Variants in FGF14 observed in about 807,000 individuals in gnomAD.
FGF14 encodes the protein fibroblast growth factor homologous factor 4.
FGF14 carries 5 observed loss-of-function variants against 25.5 expected under a neutral mutation model. That is an observed-to-expected ratio of 0.20 (90% confidence interval 0.10 to 0.41). The LOEUF (loss-of-function observed/expected upper bound fraction) is 0.41, where lower values mean the gene tolerates loss of function less well. Ranked by LOEUF, FGF14 falls within the 10% of genes least tolerant of loss-of-function variation. The pLI is 1.00. For missense variants in FGF14, 222 were observed against 320.1 expected, an observed-to-expected ratio of 0.69 and a Z score of 2.34; for synonymous variants, 138 against 118.3, an observed-to-expected ratio of 1.17 and a Z score of -1.08.
At chr13:102,065,469 G>T (rs2042864049) in intron 1 of FGF14, among the ~76,000 whole-genome samples, 2 of 151,974 alleles carry the variant, frequency 1.3e-5, no homozygotes, top group South Asian at 4.1e-4. Flanking sequence ...TATCCCTAGA[G>T]TTATGAAAAT....
At chr13:102,388,587 C>T (rs1352683046) in intron 1 of FGF14, among the ~76,000 whole-genome samples, 4 of 152,198 alleles carry the variant, frequency 2.6e-5, no homozygotes, top group South Asian at 2.1e-4. Flanking sequence ...AATTTCTCAA[C>T]GTATGCCTTC....
At chr13:102,257,676 T>C (rs2052518459) in intron 1 of FGF14, among the ~76,000 whole-genome samples, 1 of 152,136 alleles carries the variant, frequency 6.6e-6, no homozygotes, top group South Asian at 2.1e-4. Context: ...CAACTACCCA[T>C]CTTCTGCCAA....
At chr13:101,864,834 A>G (rs2044612515) in intron 3 of FGF14, among the ~76,000 whole-genome samples, 1 of 152,110 alleles carries the variant, frequency 6.6e-6, no homozygotes, top group African/African-American at 2.4e-5. Context: ...AAATACCAAT[A>G]AGGAATCTCT....
chr13:101,812,060 G>A (rs1323185), intron 3 of FGF14, among the ~76,000 whole-genome samples: 132,955 of 152,156 alleles, frequency 0.87, 58,476 homozygotes, highest in Non-Finnish European at 0.93. Context: ...ATTTATCACT[G>A]AACAGTTAGA....
intron 1 of FGF14, among the ~76,000 whole-genome samples, chr13:102,097,820 G>T (rs750129258): frequency 2.0e-5 from 3 of 152,298 alleles, no homozygotes; most frequent in South Asian, 4.1e-4. Context: ...GAGCAGAGAC[G>T]ATCAGAAAAT....
intron 3 of FGF14, among the ~76,000 whole-genome samples, chr13:101,746,332 G>GA (rs2036887365): frequency 6.6e-6 from 1 of 151,952 alleles, no homozygotes; most frequent in African/African-American, 2.4e-5. Context: ...ATGTAGAGAT[G>GA]AAAACCTATG....
Position 102,336,723 on chromosome 13 carries a change from C to T in FGF14, c.208+64748G>A, listed in dbSNP as rs77373335. Among the ~76,000 whole-genome samples the T allele has an allele frequency of 3.6e-3, 553 of 152,284 alleles. 4 individuals are homozygous for T. Among genetic ancestry groups the T allele is most frequent in the African/African-American group, 0.013 (528 of 41,566 alleles). ...AAGCTTCAAACTCAGCCAAGAGGGG[C>T]TGACTCTGTTGTTAGGGACTAATGC... On this transcript the variant is annotated intron_variant, in intron 1 of 4. Transcript: ENST00000376131.
In FGF14 at chr13:101,991,834, TTTAC is replaced by T. The variant is rs558482214; in HGVS notation, c.209-116542_209-116539del. ...GCAAGAAGCCCACACTTTCTTAAAT[TTTAC>T]CTCCAGCAGCTTTGTGTTCTCAAAG... On this transcript the variant is annotated intron_variant, in intron 1 of 4. Coordinates refer to the FGF14 transcript ENST00000376131. 2.6e-4 allele frequency among the ~76,000 whole-genome samples: 39 copies of T among 152,156 alleles called. No individual in the cohort carries two copies. The South Asian group carries it at 8.1e-3, about 32-fold the overall frequency.
rs1476790746 is a variant in FGF14, at chr13:101,713,750, T to A, written c.*9081A>T. 3 of 152,112 alleles carry A rather than the reference T, an allele frequency of 2.0e-5. No individual in the cohort carries two copies. The highest frequency in any genetic ancestry group is 2.9e-5 in the Non-Finnish European group (2 of 68,030). The allele number at this position is 152,112 out of a possible 1,614,324, so 9.4% of individuals were successfully genotyped here. ...ATATTTTAAATAACCAAAGAGGAAG[T>A]TTTTTAGTTAGGTAGGAGAAATGGG... On this transcript the variant is annotated 3_prime_UTR_variant, in exon 5 of 5. Transcript: ENST00000376143.
rs1233959004 is a variant in FGF14, at chr13:101,972,739, G to GGC, written c.209-97444_209-97443insGC. On this transcript the variant is annotated intron_variant, in intron 1 of 4. Coordinates refer to the FGF14 transcript ENST00000376131. ...GCCCAGGCAGGTCTCGAACTCCCCA[G>GGC]CTCAAGCTATCCTCCCGCCTCTGCC... Among the ~76,000 whole-genome samples the GGC allele has an allele frequency of 2.0e-4, 30 of 152,204 alleles. No individual in the cohort carries two copies. In the East Asian group the frequency reaches 5.6e-3, roughly 28 times the overall value.
In FGF14 at chr13:101,875,251, C is replaced by T; in HGVS notation, c.239G>A (p.Gly80Asp). ...GIVTRLYCRQ[G>D]YYLQMHPDGA... is the part of the protein sequence containing the mutation. ...ATCGGGGTGCATTTGCAAGTAGTAG[C>T]CTTGCCTGCAATATAACCTGGTCAC... is the stretch of plus-strand genomic sequence containing the variant. The change falls in exon 2 of 5, where the codon GGC becomes GAC. Residue 80 changes from glycine (G) to aspartate (D), a missense_variant. Physicochemically the swap from Gly to Asp is moderately conservative, Grantham distance 94. This residue lies in a region of FGF14 where 50 missense variants were observed against 75.2 expected (regional missense o/e 0.66). Transcript: ENST00000376143. 1 of 1,613,412 alleles carries T rather than the reference C, an allele frequency of 6.2e-7. No individual in the cohort carries two copies.
chr13:101,821,654 A>T (rs1012905060), intron 3 of FGF14, among the ~76,000 whole-genome samples: 16 of 152,232 alleles, frequency 1.1e-4, no homozygotes, highest in African/African-American at 3.6e-4. Flanking sequence ...TGACATGCCA[A>T]TAGCCGTATA....
chr13:101,943,824 A>ATATATATATATAT (rs553788083), intron 1 of FGF14, among the ~76,000 whole-genome samples: 129 of 126,892 alleles, frequency 1.0e-3, no homozygotes, highest in African/African-American at 4.5e-3. Context: ...AAAAAAAAAA[A>ATATATATATATAT]AAATATATAT....
chr13:102,370,280 C>G (rs1394163693), intron 1 of FGF14, among the ~76,000 whole-genome samples: 9 of 152,130 alleles, frequency 5.9e-5, no homozygotes, highest in Non-Finnish European at 1.3e-4. Context: ...TGTGGGCCAC[C>G]ATGCCTGGCA....
intron 1 of FGF14, among the ~76,000 whole-genome samples, chr13:102,271,436 T>A (rs930120046): frequency 1.3e-5 from 2 of 152,232 alleles, no homozygotes; most frequent in East Asian, 1.9e-4. Context: ...CGCACCTCCA[T>A]TTTCTGTCCA....
chr13:101,740,808 T>G (rs921228398), intron 3 of FGF14, among the ~76,000 whole-genome samples: 8 of 152,224 alleles, frequency 5.3e-5, no homozygotes, highest in African/African-American at 1.9e-4. Flanking sequence ...TTTATTTTTA[T>G]TTTTTGGTGG....
chr13:102,382,500 T>C (rs752844001), intron 1 of FGF14, among the ~76,000 whole-genome samples: 2 of 152,024 alleles, frequency 1.3e-5, no homozygotes, highest in Non-Finnish European at 2.9e-5. Flanking sequence ...TATGGAGAAA[T>C]TAGAACCCTC....
intron 1 of FGF14, among the ~76,000 whole-genome samples, chr13:102,296,709 T>C (rs1275758812): frequency 3.3e-5 from 5 of 152,144 alleles, no homozygotes. Context: ...AAAGCAGCTT[T>C]GGAGACTGTC....
At chr13:102,325,819 G>A (rs1247267476) in intron 1 of FGF14, among the ~76,000 whole-genome samples, 5 of 151,272 alleles carry the variant, frequency 3.3e-5, no homozygotes, top group African/African-American at 9.8e-5. Flanking sequence ...ACAGAATTTT[G>A]CCTTCATTTG....
Sources: allele counts gnomAD v4.1 joint callset (sites outside exome capture counted in the v4.1 genomes callset), GRCh38; gene constraint gnomAD v4.1.1; regional missense constraint gnomAD v4.1.1; transcripts MANE v1.5; gene names NCBI Gene and HGNC (gene_info 2026-07-23, HGNC 2026-07-21).